The following LHFPL3 variants were observed in gnomAD, a reference collection of about 807,000 sequenced individuals.
LHFPL3 encodes the protein LHFPL tetraspan subfamily member 3.
Under a neutral mutation model 19.3 loss-of-function variants are expected in LHFPL3, and 5 were observed. That is an observed-to-expected ratio of 0.26 (90% CI 0.14 to 0.54). The LOEUF (loss-of-function observed/expected upper bound fraction) is 0.54. LHFPL3 is among the 20% of genes least tolerant of loss of function. The probability of loss-of-function intolerance (pLI) is 0.94; values close to 1 mark genes in which losing one functional copy is unlikely to be tolerated. For missense variants in LHFPL3, 249 were observed against 307.4 expected, an observed-to-expected ratio of 0.81 and a Z score of 1.42; for synonymous variants, 133 against 126.2, an observed-to-expected ratio of 1.05 and a Z score of -0.36.
At position 104,630,473 on chromosome 7, in the gene LHFPL3, A is replaced by T. The variant is rs117560089; in HGVS notation, c.446-106202A>T. ...AATAAAAAGTACTGACAAGAAAAAA[A>T]ATATGAAAAGTGGGATTTCTGAAAT... On this transcript the variant is annotated intron_variant, in intron 1 of 2. Transcript: ENST00000424859. Among the ~76,000 whole-genome samples, 18 of 152,306 alleles carry T rather than the reference A, an allele frequency of 1.2e-4. No homozygotes were observed. In the East Asian group the frequency reaches 3.5e-3, roughly 29 times the overall value.
chr7:104,507,071 G>A (rs1056725640), intron 1 of LHFPL3, among the ~76,000 whole-genome samples: 5 of 152,238 alleles, frequency 3.3e-5, no homozygotes, highest in Admixed American at 6.5e-5. Flanking sequence ...GGAAATAAAA[G>A]ATATCAAATT....
At chr7:104,863,397 ACAGTTTAAGCCTCTGGGT>A (rs1309205426) in intron 2 of LHFPL3, among the ~76,000 whole-genome samples, 1 of 152,212 alleles carries the variant, frequency 6.6e-6, no homozygotes, top group African/African-American at 2.4e-5. Flanking sequence ...AAATAGCAGC[ACAGTTTAAGCCTCTGGGT>A]TTTTTTCCCA....
chr7:104,379,039 A>G (rs1790769727), intron 1 of LHFPL3, among the ~76,000 whole-genome samples: 1 of 152,194 alleles, frequency 6.6e-6, no homozygotes, highest in Non-Finnish European at 1.5e-5. Flanking sequence ...TTGCTCCCAA[A>G]TTCTGAAATC....
At chr7:104,732,772 G>T (rs1422791635) in intron 1 of LHFPL3, among the ~76,000 whole-genome samples, 2 of 152,044 alleles carry the variant, frequency 1.3e-5, no homozygotes, top group African/African-American at 4.8e-5. Context: ...GCTAGCTTTT[G>T]AATGTGTTTG....
At chr7:104,367,105 A>G (rs1286690335) in intron 1 of LHFPL3, among the ~76,000 whole-genome samples, 1 of 152,206 alleles carries the variant, frequency 6.6e-6, no homozygotes, top group East Asian at 1.9e-4. Flanking sequence ...GTTTTATCTG[A>G]TAAGTGGTTT....
At chr7:104,391,546 C>A (rs1356600901) in intron 1 of LHFPL3, among the ~76,000 whole-genome samples, 1 of 152,088 alleles carries the variant, frequency 6.6e-6, no homozygotes, top group Non-Finnish European at 1.5e-5. Context: ...TGGTCTATAT[C>A]TCTGTTTTGG....
intron 1 of LHFPL3, among the ~76,000 whole-genome samples, chr7:104,357,225 C>T (rs1469296924): frequency 6.6e-6 from 1 of 152,210 alleles, no homozygotes; most frequent in African/African-American, 2.4e-5. Context: ...TGTTCTTGCT[C>T]TCTGGGTCTC....
chr7:104,561,583 T>G (rs1393663029), intron 1 of LHFPL3, among the ~76,000 whole-genome samples: 1 of 152,048 alleles, frequency 6.6e-6, no homozygotes, highest in Non-Finnish European at 1.5e-5. Flanking sequence ...TGTCTCTGCA[T>G]GTGAGATGGG....
Position 104,485,608 on chromosome 7 carries a change from A to G in LHFPL3, c.445+156384A>G, listed in dbSNP as rs189407277. Among the ~76,000 whole-genome samples the G allele has an allele frequency of 4.6e-5, 7 of 152,280 alleles. No individual in the cohort carries two copies. In the East Asian group the frequency reaches 1.3e-3, roughly 29 times the overall value. ...CTTGATGCTCTGGAACCATTTAATG[A>G]TTAGATTTTCTATCATTTTTTATTA... On this transcript the variant is annotated intron_variant, in intron 1 of 2. Transcript: ENST00000424859.
intron 2 of LHFPL3, among the ~76,000 whole-genome samples, chr7:104,874,389 GC>G (rs1791893841): frequency 2.1e-5 from 3 of 141,610 alleles, no homozygotes; most frequent in Non-Finnish European, 4.5e-5. Context: ...TAAAAGGAAT[GC>G]TTTTTTTTTT....
rs532524469 is a variant in LHFPL3 at position 104,334,800 on chromosome 7, C to A, written c.445+5576C>A. On this transcript the variant is annotated intron_variant, in intron 1 of 2. Coordinates refer to ENST00000424859, the MANE Select transcript of LHFPL3 (RefSeq NM_199000.3). ...GAGATAATCATATCTCAGGCTTCAG[C>A]AAATTTTCCCTTACCATTTATTTTC... Among the ~76,000 whole-genome samples the A allele has an allele frequency of 5.3e-5, 8 of 152,232 alleles. No homozygotes were observed. In the East Asian group the frequency reaches 1.5e-3, roughly 29 times the overall value.
At chr7:104,764,061 A>G (rs1389156868) in intron 2 of LHFPL3, among the ~76,000 whole-genome samples, 1 of 152,200 alleles carries the variant, frequency 6.6e-6, no homozygotes, top group East Asian at 1.9e-4. Flanking sequence ...TCTTCTCAGA[A>G]GCAGTACCCA....
chr7:104,533,954 A>T (rs1251486260), intron 1 of LHFPL3, among the ~76,000 whole-genome samples: 2 of 152,154 alleles, frequency 1.3e-5, no homozygotes, highest in Non-Finnish European at 2.9e-5. Context: ...ACAAACCCCT[A>T]CGTTCCAGAC....
intron 2 of LHFPL3, among the ~76,000 whole-genome samples, chr7:104,814,322 T>C (rs913870003): frequency 2.0e-5 from 3 of 152,096 alleles, no homozygotes; most frequent in African/African-American, 7.2e-5. Flanking sequence ...GGTCGACTCA[T>C]CATCTCCCTA....
intron 1 of LHFPL3, among the ~76,000 whole-genome samples, chr7:104,497,175 A>C (rs1793498188): frequency 1.3e-5 from 2 of 152,258 alleles, no homozygotes; most frequent in Middle Eastern, 3.4e-3. Context: ...CAAAACAAAA[A>C]AAAAAGCATT....
chr7:104,363,287 T>C (rs1790425170), intron 1 of LHFPL3, among the ~76,000 whole-genome samples: 1 of 152,240 alleles, frequency 6.6e-6, no homozygotes, highest in Admixed American at 6.5e-5. Context: ...CTGTCATAAT[T>C]TTCCCACTGT....
chr7:104,447,887 G>A (rs1019691520), intron 1 of LHFPL3, among the ~76,000 whole-genome samples: 7 of 151,980 alleles, frequency 4.6e-5, no homozygotes, highest in Non-Finnish European at 1.0e-4. Flanking sequence ...CAAATGTTCA[G>A]GACACATGTA....
intron 2 of LHFPL3, chr7:104,785,610 C>T (rs192742720): frequency 2.0e-4 from 31 of 152,294 alleles, no homozygotes; most frequent in African/African-American, 7.0e-4. Flanking sequence ...CCTAAGTATT[C>T]TCCCAACCTG....
chr7:104,470,170 G>A, intron 1 of LHFPL3: 1 of 425,944 alleles, frequency 2.3e-6, no homozygotes, highest in Non-Finnish European at 4.8e-6. Context: ...CCTGTTCTTA[G>A]GATCTGGCCA....
Sources: allele counts gnomAD v4.1 joint callset (sites outside exome capture counted in the v4.1 genomes callset), GRCh38; gene constraint gnomAD v4.1.1; transcripts MANE v1.5; gene names NCBI Gene and HGNC (gene_info 2026-07-23, HGNC 2026-07-21).